Variants in PCM1 observed in about 807,000 individuals in gnomAD.
The protein encoded by PCM1 is pericentriolar material 1 protein.
Under a neutral mutation model 241.9 loss-of-function variants are expected in PCM1, and 157 were observed. The ratio of observed to expected loss-of-function variants is 0.65; its 90% CI spans 0.57 to 0.74. The LOEUF (loss-of-function observed/expected upper bound fraction) is 0.74, where lower values mean the gene tolerates loss of function less well. PCM1 is among the 30% of genes least tolerant of loss of function. PCM1 has a pLI of 0.00. For missense variants in PCM1, 3,478 were observed against 2,360.1 expected, an observed-to-expected ratio of 1.47 and a Z score of -9.81; for synonymous variants, 1,085 against 784.9, an observed-to-expected ratio of 1.38 and a Z score of -6.39.
At chr8:17,956,049 G>A (rs370455980) in intron 10 of PCM1, 1 of 239,018 alleles carries the variant, frequency 4.2e-6, no homozygotes, top group Non-Finnish European at 8.2e-6. Flanking sequence ...CTGCAAAATA[G>A]GGATGATAAT....
intron 8 of PCM1, among the ~76,000 whole-genome samples, chr8:17,951,454 A>G (rs1013302599): frequency 4.6e-5 from 7 of 152,240 alleles, no homozygotes; most frequent in African/African-American, 7.2e-5. Context: ...AGAAGGAGGT[A>G]GATGGAAGAA....
At chr8:18,004,049 TA>T (rs372480778) in intron 29 of PCM1, among the ~76,000 whole-genome samples, 24 of 150,724 alleles carry the variant, frequency 1.6e-4, no homozygotes, top group Non-Finnish European at 2.2e-4. Flanking sequence ...TTATAAGGGT[TA>T]AAAAAAAAGC....
In PCM1 at chr8:18,004,074, C is replaced by T. The variant is rs572172522; in HGVS notation, c.4828-2189C>T. 5.3e-5 allele frequency among the ~76,000 whole-genome samples: 8 copies of T among 151,892 alleles called. No homozygotes were observed. The South Asian group carries it at 1.5e-3, about 28-fold the overall frequency. ...TAAAAAAAAAGCCTAAATGATCTAT[C>T]CTTATGCTTAGGGAGTGCAGCCTTC... On this transcript the variant is annotated intron_variant, in intron 29 of 38. Coordinates refer to ENST00000325083, the MANE Select transcript of PCM1 (RefSeq NM_006197.4).
At position 18,027,753 on chromosome 8, in the gene PCM1, T is replaced by C. The variant is rs1426294409; in HGVS notation, c.*91T>C. The C allele has an allele frequency of 1.1e-6, 1 of 907,878 alleles. No individual in the cohort carries two copies. Among genetic ancestry groups the C allele is most frequent in the South Asian group, 2.3e-5 (1 of 42,808 alleles). 56.2% of individuals were successfully genotyped at this position (907,878 alleles called of 1,614,324 possible). On this transcript the variant is annotated 3_prime_UTR_variant, in exon 39 of 39. Transcript: ENST00000325083. ...AATAAACATCTGATCTGTATAAAAA[T>C]GTAAATTAGTTTGACACTGCTTTTT...
chr8:17,972,266 G>C, intron 22 of PCM1, 63 bp from the exon 23 acceptor site: 2 of 894,156 alleles, frequency 2.2e-6, no homozygotes, highest in East Asian at 5.4e-5. Context: ...TATAAATTCA[G>C]TGTATTTGGA....
At chr8:17,927,315 G>C (rs910435741) in intron 2 of PCM1, 6 of 151,900 alleles carry the variant, frequency 3.9e-5, no homozygotes, top group Non-Finnish European at 7.4e-5. Flanking sequence ...GTTTTTAGTA[G>C]AGGCGGAGTT....
At chr8:18,004,313 A>T (rs2090622911) in intron 29 of PCM1, among the ~76,000 whole-genome samples, 2 of 152,222 alleles carry the variant, frequency 1.3e-5, no homozygotes, top group African/African-American at 4.8e-5. Flanking sequence ...CTAAGATATT[A>T]GGAAATATCA....
intron 13 of PCM1, among the ~76,000 whole-genome samples, chr8:17,959,108 A>T (rs917411974): frequency 6.6e-6 from 1 of 152,082 alleles, no homozygotes; most frequent in Admixed American, 6.5e-5. Flanking sequence ...GTACATCACT[A>T]TGCACCTATT....
intron 2 of PCM1, among the ~76,000 whole-genome samples, chr8:17,930,383 G>A (rs1227060750): frequency 4.6e-5 from 7 of 151,782 alleles, no homozygotes; most frequent in Admixed American, 2.0e-4. Context: ...GATTACAGGC[G>A]TGAGCCACTG....
intron 29 of PCM1, among the ~76,000 whole-genome samples, chr8:17,999,917 G>C (rs2088642045): frequency 6.6e-6 from 1 of 152,120 alleles, no homozygotes; most frequent in Admixed American, 6.5e-5. Context: ...GGCAGACCTA[G>C]CAGTGAACAA....
In PCM1 at chr8:17,966,491, A is replaced by C. The variant is rs1279877921; in HGVS notation, c.3221+18A>C. On this transcript the variant is annotated intron_variant, in intron 20 of 38. Transcript: ENST00000325083. ...GTTCAGAGGTAATCTGTTTCTTAGAAGTATTGAGACTGTATAAGAGCTAAC... is the reference window on the plus strand; with the variant it reads ...GTTCAGAGGTAATCTGTTTCTTAGACGTATTGAGACTGTATAAGAGCTAAC... 1.2e-6 allele frequency: 2 copies of C among 1,610,808 alleles called. No homozygotes were observed. The highest frequency in any genetic ancestry group is 3.3e-5 in the Admixed American group (2 of 59,960).
intron 6 of PCM1, among the ~76,000 whole-genome samples, chr8:17,942,327 C>T (rs1018478521): frequency 2.0e-5 from 3 of 152,016 alleles, no homozygotes; most frequent in African/African-American, 7.2e-5. Flanking sequence ...ATTAGCTGGG[C>T]ACGGTGGCGC....
chr8:17,935,689 G>A lies in PCM1; in HGVS notation c.79G>A (p.Asp27Asn). ...LPNWSNENVD[D>N]RLNNMDWGAQ... ...AAACTGGAGTAATGAGAATGTTGATGACAGGCTCAACAATATGGTATGATT... is the reference window on the plus strand; with the variant it reads ...AAACTGGAGTAATGAGAATGTTGATAACAGGCTCAACAATATGGTATGATT... Residue 27 changes from aspartate (D) to asparagine (N), a missense_variant, in exon 3 of 39, where the codon GAC becomes AAC. Asp to Asn is a conservative substitution (Grantham distance 23). Coordinates refer to ENST00000325083, the MANE Select transcript of PCM1 (RefSeq NM_006197.4). The A allele has an allele frequency of 6.9e-7, 1 of 1,453,284 alleles. No homozygotes were observed. The highest frequency in any genetic ancestry group is 9.7e-7 in the Non-Finnish European group (1 of 1,033,618). The allele number at this position is 1,453,284 out of a possible 1,614,324, so 90.0% of individuals were successfully genotyped here. A position where few individuals can be genotyped will look rare whatever the true frequency, so the allele number is the denominator to read the frequency against.
At chr8:17,940,902 G>A (rs1487174512) in intron 6 of PCM1, among the ~76,000 whole-genome samples, 2 of 152,134 alleles carry the variant, frequency 1.3e-5, no homozygotes, top group African/African-American at 2.4e-5. Context: ...GGCTAGTAAA[G>A]CTTTTGTTTT....
At chr8:17,959,798 T>G (rs1563934554) in intron 13 of PCM1, among the ~76,000 whole-genome samples, 1 of 152,182 alleles carries the variant, frequency 6.6e-6, no homozygotes, top group African/African-American at 2.4e-5. Flanking sequence ...TTCCCAATTA[T>G]AAGAAGAGTT....
intron 26 of PCM1, 74 bp from the exon 27 acceptor site, chr8:17,989,784 AG>A: frequency 1.0e-6 from 1 of 1,000,080 alleles, no homozygotes; most frequent in Non-Finnish European, 1.4e-6. Context: ...GTAAATACTT[AG>A]TTATCTCTGT....
rs751188266 is a variant in PCM1 at position 18,009,609 on chromosome 8, G to A, written c.5025G>A (p.Glu1675=). 1.2e-6 allele frequency: 2 copies of A among 1,600,636 alleles called. No individual in the cohort carries two copies. The highest frequency in any genetic ancestry group is 1.7e-5 in the Admixed American group (1 of 58,240). ...ACTGTGGAGAAGATCTTCTTGTAGA[G>A]ATATCTGAAGTGTTGTTCAATGAAT... ...LKDCGEDLLV[E]ISEVLFNELA... Residue 1675 remains glutamate (E), a synonymous_variant, in exon 31 of 39, where the codon GAG becomes GAA. Coordinates refer to ENST00000325083, the MANE Select transcript of PCM1 (RefSeq NM_006197.4).
chr8:17,952,732 C>T (rs1464190094), intron 8 of PCM1, among the ~76,000 whole-genome samples: 1 of 152,006 alleles, frequency 6.6e-6, no homozygotes, highest in Non-Finnish European at 1.5e-5. Context: ...TTTTTGGTGT[C>T]CCCAGGGGTC....
intron 13 of PCM1, 142 bp downstream of exon 13, chr8:17,957,917 A>T (rs907981934): frequency 3.2e-6 from 2 of 621,670 alleles, no homozygotes; most frequent in African/African-American, 3.7e-5. Context: ...TTAGCACTTT[A>T]CATGCTGTAT....
Sources: allele counts gnomAD v4.1 joint callset (sites outside exome capture counted in the v4.1 genomes callset), GRCh38; gene constraint gnomAD v4.1.1; transcripts MANE v1.5; gene names NCBI Gene and HGNC (gene_info 2026-07-23, HGNC 2026-07-21).